Variants in BAZ2A observed in about 807,000 individuals in gnomAD.
BAZ2A encodes the protein bromodomain adjacent to zinc finger domain protein 2A.
A neutral mutation model predicts 199.9 loss-of-function variants in BAZ2A; 34 were observed. The observed-to-expected ratio is 0.17, with a 90% CI of 0.13 to 0.23. The LOEUF (loss-of-function observed/expected upper bound fraction) is 0.23. BAZ2A is among the 10% of genes least tolerant of loss of function. The pLI is 1.00. For missense variants in BAZ2A, 2,002 were observed against 2,391.1 expected, an observed-to-expected ratio of 0.84 and a Z score of 3.39; for synonymous variants, 857 against 883.9, an observed-to-expected ratio of 0.97 and a Z score of 0.54.
Position 56,604,794 on chromosome 12 carries a change from T to A in BAZ2A, c.2754A>T (p.Leu918=). 1 of 1,612,532 alleles carries A rather than the reference T, an allele frequency of 6.2e-7. No homozygotes were observed. The highest frequency in any genetic ancestry group is 1.1e-5 in the South Asian group (1 of 90,902). Residue 918 remains leucine, a synonymous_variant, in exon 15 of 29, where the codon CTA becomes CTT. Coordinates refer to ENST00000549884, the MANE Select transcript of BAZ2A (RefSeq NM_001300905.2). The stretch of plus-strand genomic sequence containing the variant: ...CAGACACCTTCTCCCCCAAGATCTT[T>A]AGGGACTGTGTGGAGGACAGCATAA... ...DPGFPSYCQS[L]KILGEKVSEI...
upstream of BAZ2A, among the ~76,000 whole-genome samples, chr12:56,632,555 T>A (rs1035437879): frequency 6.6e-6 from 1 of 152,050 alleles, no homozygotes; most frequent in Non-Finnish European, 1.5e-5. Flanking sequence ...TGTGCCCCAC[T>A]GACCGCCCCC....
In BAZ2A at chr12:56,595,626, G is replaced by A. The variant is rs994706090; in HGVS notation, c.*2992C>T. 6.6e-6 allele frequency: 1 copy of A among 151,916 alleles called. No individual in the cohort carries two copies. Among genetic ancestry groups the A allele is most frequent in the African/African-American group, 2.4e-5 (1 of 41,310 alleles). 9.4% of individuals were successfully genotyped at this position (151,916 alleles called of 1,614,324 possible). On this transcript the variant is annotated 3_prime_UTR_variant, in exon 29 of 29. Transcript: ENST00000549884. ...CGTCTTGGTGTCTTATCCGTGAGTG[G>A]GAAGTGGTAAGCTGGTGATGGTCCC...
At chr12:56,606,872 G>C in intron 10 of BAZ2A, 139 bp from the exon 11 acceptor site, 2 of 675,544 alleles carry the variant, frequency 3.0e-6, no homozygotes, top group Non-Finnish European at 5.1e-6. Context: ...TTTTTTTTAA[G>C]TATACATAAT....
chr12:56,635,135 G>C (rs1951417580), upstream of BAZ2A: 3 of 733,018 alleles, frequency 4.1e-6, no homozygotes, highest in Non-Finnish European at 5.0e-6. This position sits in a 1 kb window ranked among gnomAD's most constrained non-coding sequence, Gnocchi z 4.1. Context: ...GGATCCACTG[G>C]GGGAGAGGAT....
chr12:56,627,217 T>C (rs1447283713), intron 1 of BAZ2A, among the ~76,000 whole-genome samples: 1 of 152,238 alleles, frequency 6.6e-6, no homozygotes, highest in Non-Finnish European at 1.5e-5. Flanking sequence ...CTTGGCCCTG[T>C]GGCTTATGCC....
chr12:56,612,680 C>T (rs960061760), intron 5 of BAZ2A, among the ~76,000 whole-genome samples: 3 of 152,044 alleles, frequency 2.0e-5, no homozygotes, highest in Non-Finnish European at 4.4e-5. Flanking sequence ...TGGAGTGCAA[C>T]GACACAATCT....
chr12:56,636,159 C>T, intron 1 of BAZ2A: 6 of 1,586,980 alleles, frequency 3.8e-6, no homozygotes, highest in African/African-American at 1.3e-5. Flanking sequence ...CAGGCCTTCC[C>T]CGGGGCTGGT....
In BAZ2A at chr12:56,628,764, T is replaced by C. The variant is rs1951194313; in HGVS notation, c.-3+1361A>G. ...GTGCTCTGCAATATAGAAACTGTCA[T>C]AATAACTATACTAAAGTAGGACCCC... On this transcript the variant is annotated intron_variant, in intron 1 of 28. Transcript: ENST00000549884. Among the ~76,000 whole-genome samples the C allele has an allele frequency of 2.6e-5, 4 of 152,162 alleles. No individual in the cohort carries two copies. In the South Asian group the frequency reaches 8.3e-4, roughly 32 times the overall value.
Position 56,612,367 on chromosome 12 carries a change from G to A in BAZ2A, c.1136-121C>T, listed in dbSNP as rs564668489. The A allele has an allele frequency of 7.1e-6, 6 of 849,064 alleles. No homozygotes were observed. The East Asian group carries it at 1.6e-4, about 23-fold the overall frequency. 52.6% of individuals were successfully genotyped at this position (849,064 alleles called of 1,614,324 possible). On this transcript the variant is annotated intron_variant, in intron 5 of 28. Transcript: ENST00000549884. ...GGGTTACTTCAAGGGGTCTTCCCTA[G>A]GGTTGGAAAAAGAAGTAGCTTTTTC...
upstream of BAZ2A, among the ~76,000 whole-genome samples, chr12:56,633,308 A>G (rs1951363219): frequency 6.6e-6 from 1 of 151,446 alleles, no homozygotes; most frequent in Admixed American, 6.6e-5. Context: ...CCCACCAGAT[A>G]CTCCTGGCAT....
Position 56,601,940 on chromosome 12 carries a change from T to C in BAZ2A, c.3677A>G (p.His1226Arg). ...QAQLQPEAQL[H>R]APAQPQPQLQ... The stretch of plus-strand genomic sequence containing the variant: ...CTGAGGCTGGGGCTGGGCAGGAGCA[T>C]GAAGCTGAGCCTCAGGCTGAAGCTG... Residue 1226 changes from histidine to arginine, a missense_variant, in exon 20 of 29, where the codon CAT becomes CGT. Physicochemically the swap from His to Arg is conservative, Grantham distance 29. This residue lies in a region of BAZ2A where 1,081 missense variants were observed against 1,274.7 expected (regional missense o/e 0.85). Coordinates refer to ENST00000549884, the MANE Select transcript of BAZ2A (RefSeq NM_001300905.2). 6.3e-7 allele frequency: 1 copy of C among 1,577,380 alleles called. No homozygotes were observed. The highest frequency in any genetic ancestry group is 8.6e-7 in the Non-Finnish European group (1 of 1,161,344).
intron 14 of BAZ2A, 123 bp from the exon 15 acceptor site, chr12:56,604,922 A>C: frequency 7.3e-7 from 1 of 1,369,552 alleles, no homozygotes; most frequent in Non-Finnish European, 9.8e-7. Flanking sequence ...ACGAAAGAAG[A>C]CCACAAAAGA....
chr12:56,617,334 G>T, intron 2 of BAZ2A, 61 bp downstream of exon 2: 2 of 1,393,166 alleles, frequency 1.4e-6, no homozygotes, highest in Non-Finnish European at 1.9e-6. Context: ...ATCCCCCCAT[G>T]AATCTGCCCT....
Position 56,602,618 on chromosome 12 carries a change from A to G in BAZ2A, c.3424+95T>C, listed in dbSNP as rs1301204794. ...CTCTTAACCATTACGCTATATTATCAGAAAATGAAAGAAGCCCAAGACTAC... is the reference window on the plus strand; with the variant it reads ...CTCTTAACCATTACGCTATATTATCGGAAAATGAAAGAAGCCCAAGACTAC... On this transcript the variant is annotated intron_variant, in intron 19 of 28. Transcript: ENST00000549884. The G allele has an allele frequency of 6.1e-6, 9 of 1,475,860 alleles. No homozygotes were observed. In the Admixed American group the frequency reaches 2.0e-4, roughly 33 times the overall value. The allele number at this position is 1,475,860 out of a possible 1,614,324, so 91.4% of individuals were successfully genotyped here.
At chr12:56,614,981 C>T (rs11610274) in intron 3 of BAZ2A, 33 bp downstream of exon 3, 1 of 1,581,340 alleles carries the variant, frequency 6.3e-7, no homozygotes, top group African/African-American at 1.3e-5. Flanking sequence ...TCCATTTTTC[C>T]TTTCCCCACC....
Position 56,625,875 on chromosome 12 carries a change from CA to C in BAZ2A, c.-3+4249del, listed in dbSNP as rs748737235. On this transcript the variant is annotated intron_variant, in intron 1 of 28. Coordinates refer to ENST00000549884, the MANE Select transcript of BAZ2A (RefSeq NM_001300905.2). ...TGGGCGACACAGCGAAACTCCGTCT[CA>C]AAAAAAAAAAAAAAAAAAAAACAAC... Among the ~76,000 whole-genome samples, 531 of 55,296 alleles carry C rather than the reference CA, an allele frequency of 9.6e-3. 4 individuals are homozygous for C. The highest frequency in any genetic ancestry group is 0.055 in the South Asian group (88 of 1,602). The allele number at this position is 55,296 out of a possible 152,430, so 36.3% of individuals were successfully genotyped here.
intron 1 of BAZ2A, among the ~76,000 whole-genome samples, chr12:56,626,123 G>C (rs1951090839): frequency 6.6e-6 from 1 of 152,048 alleles, no homozygotes. Context: ...AAATTAGGCA[G>C]ACTGATAATA....
In BAZ2A at chr12:56,603,612, G is replaced by A. The variant is rs772196406; in HGVS notation, c.3127C>T (p.Arg1043Trp). ...EECLGRRRSS[R>W]IMEETSGMEE... is the part of the protein sequence containing the mutation. ...ATGCCACTGGTCTCCTCCATGATCC[G>A]AGAACTGCGCCTCCGTCCCAGGCAT... The change falls in exon 17 of 29, where the codon CGG becomes TGG. Residue 1043 changes from arginine to tryptophan, a missense_variant. By Grantham distance (101) the Arg-to-Trp change is moderately radical. This residue lies in a region of BAZ2A where 1,081 missense variants were observed against 1,274.7 expected (regional missense o/e 0.85). Coordinates refer to ENST00000549884, the MANE Select transcript of BAZ2A (RefSeq NM_001300905.2). The A allele has an allele frequency of 2.4e-5, 38 of 1,613,850 alleles. No homozygotes were observed. Among genetic ancestry groups the A allele is most frequent in the East Asian group, 2.0e-4 (9 of 44,904 alleles).
intron 2 of BAZ2A, among the ~76,000 whole-genome samples, 168 bp from the exon 3 acceptor site, chr12:56,615,775 G>A (rs1228698876): frequency 6.6e-6 from 1 of 152,176 alleles, no homozygotes; most frequent in Non-Finnish European, 1.5e-5. Context: ...CAAGCCCAGA[G>A]GCTCCTGGAT....
Sources: gnomAD v4.1 joint callset for allele counts (sites outside exome capture counted in the v4.1 genomes callset) on GRCh38, gnomAD v4.1.1 for gene constraint, gnomAD v4.1.1 regional missense constraint, Gnocchi (gnomAD v3.1) non-coding constraint, MANE v1.5 for transcripts, NCBI Gene and HGNC (gene_info 2026-07-23, HGNC 2026-07-21) for gene names.